The following SPTBN4 variants were observed in gnomAD, a reference collection of about 807,000 sequenced individuals.
The protein encoded by SPTBN4 is spectrin beta chain, non-erythrocytic 4.
A neutral mutation model predicts 277.8 loss-of-function variants in SPTBN4; 96 were observed. The ratio of observed to expected loss-of-function variants is 0.35; its 90% CI spans 0.29 to 0.41. SPTBN4 has a LOEUF of 0.41. SPTBN4 is among the 10% of genes least tolerant of loss of function. The pLI is 1.00. For missense variants in SPTBN4, 3,006 were observed against 3,595.7 expected (o/e 0.84, Z 4.19); for synonymous variants, 1,481 against 1,580.3 (o/e 0.94, Z 1.49).
chr19:40,534,933 A>G (rs1320487920), intron 20 of SPTBN4: 1 of 155,350 alleles, frequency 6.4e-6, no homozygotes, highest in Non-Finnish European at 1.4e-5. Flanking sequence ...TGGCAGCTCC[A>G]TGCTTGGTAC....
intron 20 of SPTBN4, among the ~76,000 whole-genome samples, chr19:40,535,094 C>T (rs963874769): frequency 3.9e-5 from 6 of 152,120 alleles, no homozygotes; most frequent in African/African-American, 1.2e-4. Context: ...CTCACTCTGT[C>T]GCCCAAGCTG....
intron 5 of SPTBN4, among the ~76,000 whole-genome samples, chr19:40,493,634 G>A (rs1206210076): frequency 1.3e-5 from 2 of 151,924 alleles, no homozygotes; most frequent in Non-Finnish European, 2.9e-5. Context: ...TGAGATGGGA[G>A]GATCATTTGA....
intron 7 of SPTBN4, among the ~76,000 whole-genome samples, chr19:40,500,505 A>G (rs771523866): frequency 7.2e-5 from 11 of 152,190 alleles, no homozygotes; most frequent in Non-Finnish European, 1.3e-4. Flanking sequence ...GTAAGACAGA[A>G]CAGTGATAAA....
chr19:40,527,485 G>C (rs903544120), intron 17 of SPTBN4, among the ~76,000 whole-genome samples: 1 of 152,224 alleles, frequency 6.6e-6, no homozygotes, highest in Non-Finnish European at 1.5e-5. Flanking sequence ...CATATAGCAC[G>C]TGTTAGATTG....
intron 22 of SPTBN4, among the ~76,000 whole-genome samples, chr19:40,553,586 G>A (rs1304148426): frequency 6.6e-6 from 1 of 152,140 alleles, no homozygotes; most frequent in African/African-American, 2.4e-5. Flanking sequence ...GTTAAATAAG[G>A]TACTCTGTAA....
In SPTBN4 at chr19:40,560,567, C is replaced by A; in HGVS notation, c.5915+164C>A. On this transcript the variant is annotated intron_variant, in intron 27 of 35. Transcript: ENST00000598249. This position sits in a 1 kb window ranked among gnomAD's most constrained non-coding sequence, Gnocchi z 5.2. ...TCTAGGTGCTTCGTGTGTATTCAGA[C>A]CCCTTTTTTAGGCCTGTCATTGGGG... 6.7e-7 allele frequency: 1 copy of A among 1,498,500 alleles called. No individual in the cohort carries two copies. Among genetic ancestry groups the A allele is most frequent in the East Asian group, 2.3e-5 (1 of 42,654 alleles). 92.8% of individuals were successfully genotyped at this position (1,498,500 alleles called of 1,614,324 possible). A position where few individuals can be genotyped will look rare whatever the true frequency, so the allele number is the denominator to read the frequency against.
intron 17 of SPTBN4, among the ~76,000 whole-genome samples, chr19:40,526,198 A>AT (rs1568810259): frequency 3.7e-5 from 4 of 109,530 alleles, no homozygotes; most frequent in South Asian, 3.0e-4. Context: ...TTTGAGATGG[A>AT]GTCTCACTCT....
intron 20 of SPTBN4, among the ~76,000 whole-genome samples, chr19:40,546,516 G>T (rs1195196808): frequency 6.6e-6 from 1 of 152,056 alleles, no homozygotes; most frequent in African/African-American, 2.4e-5. Context: ...CTCCCATCAT[G>T]TGGGTCACAT....
intron 17 of SPTBN4, among the ~76,000 whole-genome samples, chr19:40,525,806 G>T (rs1359961415): frequency 6.6e-6 from 1 of 152,194 alleles, no homozygotes. Flanking sequence ...AGGCAGAAAG[G>T]TCAGGGCCCG....
intron 18 of SPTBN4, among the ~76,000 whole-genome samples, chr19:40,532,089 G>A (rs769379196): frequency 2.6e-5 from 4 of 151,668 alleles, no homozygotes; most frequent in East Asian, 1.9e-4. Context: ...GTTGTTTGGG[G>A]GGTTTATCTG....
rs762568078 is a variant in SPTBN4 at position 40,490,044 on chromosome 19, C to G, written c.322-31C>G. On this transcript the variant is annotated intron_variant, in intron 3 of 35. Coordinates refer to ENST00000598249, the MANE Select transcript of SPTBN4 (RefSeq NM_020971.3). The surrounding 1 kb of genome is among the most constrained non-coding windows in gnomAD (Gnocchi z 4.3). ...GCGCCATACTCCTGTCTGTCCAGAC[C>G]CCCGATCGCCCACCGCCCCTGTCGC... 6.4e-7 allele frequency: 1 copy of G among 1,570,556 alleles called. No individual in the cohort carries two copies. Among genetic ancestry groups the G allele is most frequent in the South Asian group, 1.2e-5 (1 of 85,068 alleles).
intron 18 of SPTBN4, among the ~76,000 whole-genome samples, chr19:40,531,431 C>T (rs2080669071): frequency 7.5e-6 from 1 of 133,806 alleles, no homozygotes; most frequent in Admixed American, 7.9e-5. Context: ...CTGCATTTGC[C>T]TCCCGGGACC....
chr19:40,522,856 G>C lies in SPTBN4; in HGVS notation c.3655-581G>C, dbSNP rs964570431. On this transcript the variant is annotated intron_variant, in intron 16 of 35. Coordinates refer to ENST00000598249, the MANE Select transcript of SPTBN4 (RefSeq NM_020971.3). ...GAAATAATACAGGAGGGTTGGCTGG[G>C]TGTGGTGGCTCACGCCTGTAATCCC... 2.0e-5 allele frequency among the ~76,000 whole-genome samples: 3 copies of C among 151,954 alleles called. No homozygotes were observed. The East Asian group carries it at 5.8e-4, about 30-fold the overall frequency.
intron 20 of SPTBN4, among the ~76,000 whole-genome samples, chr19:40,542,479 C>T (rs193146073): frequency 3.6e-4 from 55 of 152,252 alleles, no homozygotes; most frequent in African/African-American, 1.2e-3. Flanking sequence ...GCCAGCTGGT[C>T]GGCCTCAGCC....
Position 40,519,911 on chromosome 19 carries a change from G to A in SPTBN4, c.3414G>A (p.Glu1138=). ...LLARHAALKE[E]VDQREEDYAR... ...CGCGCCACGCTGCGCTCAAGGAGGA[G>A]GTGGACCAGCGCGAGGAAGACTATG... Residue 1138 remains glutamate (E), a synonymous_variant, in exon 16 of 36, where the codon GAG becomes GAA. Coordinates refer to ENST00000598249, the MANE Select transcript of SPTBN4 (RefSeq NM_020971.3). This position sits in a 1 kb window ranked among gnomAD's most constrained non-coding sequence, Gnocchi z 5.7. 1.3e-6 allele frequency: 2 copies of A among 1,554,746 alleles called. No homozygotes were observed. Among genetic ancestry groups the A allele is most frequent in the South Asian group, 2.3e-5 (2 of 85,366 alleles).
intron 20 of SPTBN4, among the ~76,000 whole-genome samples, chr19:40,548,739 AAAT>A (rs1432502111): frequency 6.6e-6 from 1 of 152,098 alleles, no homozygotes; most frequent in East Asian, 1.9e-4. Context: ...CGTTAACAAA[AAAT>A]TATTACTATA....
chr19:40,468,557 T>C (rs1599698457), intron 1 of SPTBN4, among the ~76,000 whole-genome samples: 1 of 152,284 alleles, frequency 6.6e-6, no homozygotes, highest in East Asian at 1.9e-4. Context: ...TTGTATTTTT[T>C]TTAGTAAAGA....
At chr19:40,480,503 G>A (rs2079999183) in intron 2 of SPTBN4, among the ~76,000 whole-genome samples, 1 of 152,152 alleles carries the variant, frequency 6.6e-6, no homozygotes, top group Admixed American at 6.6e-5. Context: ...GTCCAAGGGT[G>A]TACTCTCTTA....
Position 40,557,583 on chromosome 19 carries a change from T to C in SPTBN4, c.5670+180T>C, listed in dbSNP as rs747855119. 3.3e-5 allele frequency among the ~76,000 whole-genome samples: 5 copies of C among 152,252 alleles called. No individual in the cohort carries two copies. In the East Asian group the frequency reaches 5.8e-4, roughly 18 times the overall value. ...GATAGAAAATGGACTGATGGAATGATATATAGAAATCAGGTATTGGCAGGG... is the reference window on the plus strand; with the variant it reads ...GATAGAAAATGGACTGATGGAATGACATATAGAAATCAGGTATTGGCAGGG... On this transcript the variant is annotated intron_variant, in intron 26 of 35. Transcript: ENST00000598249.
Sources: gnomAD v4.1 joint callset for allele counts (sites outside exome capture counted in the v4.1 genomes callset) on GRCh38, gnomAD v4.1.1 for gene constraint, Gnocchi (gnomAD v3.1) non-coding constraint, MANE v1.5 for transcripts, NCBI Gene and HGNC (gene_info 2026-07-23, HGNC 2026-07-21) for gene names.